Variants in WRNIP1 observed in about 807,000 individuals in gnomAD.
WRNIP1 encodes ATPase WRNIP1.
A neutral mutation model predicts 56.1 loss-of-function variants in WRNIP1; 41 were observed. The ratio of observed to expected loss-of-function variants is 0.73; its 90% confidence interval spans 0.57 to 0.95. WRNIP1 has a LOEUF of 0.95. Among genes scored for constraint, WRNIP1 ranks in the 40% least tolerant of loss-of-function variants. WRNIP1 has a pLI of 0.00. For missense variants in WRNIP1, 1,170 were observed against 939.4 expected (o/e 1.25, Z -3.21); for synonymous variants, 547 against 398.1 (o/e 1.37, Z -4.45).
intron 6 of WRNIP1, among the ~76,000 whole-genome samples, chr6:2,784,700 G>A (rs759020996): frequency 9.2e-5 from 14 of 152,048 alleles, no homozygotes; most frequent in African/African-American, 1.9e-4. Context: ...CTGCAAGTTC[G>A]CCCCCAGAGC....
At chr6:2,781,221 G>A (rs1158437828) in intron 4 of WRNIP1, among the ~76,000 whole-genome samples, 2 of 152,242 alleles carry the variant, frequency 1.3e-5, no homozygotes, top group African/African-American at 4.8e-5. Flanking sequence ...ACGTTGCAGA[G>A]CTCTGCACAG....
intron 4 of WRNIP1, among the ~76,000 whole-genome samples, chr6:2,780,137 G>A (rs1334264372): frequency 1.3e-5 from 2 of 152,228 alleles, no homozygotes; most frequent in African/African-American, 2.4e-5. Flanking sequence ...TATAAAAGAA[G>A]TGGGAGATGA....
rs1159273298 is a variant in WRNIP1 at position 2,770,313 on chromosome 6, C to A, written c.1208C>A (p.Ser403Tyr). The change falls in exon 3 of 7, where the codon TCT becomes TAT. Residue 403 changes from serine (S) to tyrosine (Y), a missense_variant. Ser to Tyr is a moderately radical substitution (Grantham distance 144). Transcript: ENST00000380773. The part of the protein sequence containing the change: ...INSLGIHVLD[S>Y]SRPTDPLSHS... ...TCCCTGGGAATCCACGTCCTAGACT[C>A]TAGCCGTCCCACTGACCCTCTGAGC... 6.2e-7 allele frequency: 1 copy of A among 1,614,176 alleles called. No homozygotes were observed.
Position 2,766,182 on chromosome 6 carries a change from G to T in WRNIP1, c.560G>T (p.Gly187Val). Residue 187 changes from glycine (G) to valine (V), a missense_variant, in exon 1 of 7, where the codon GGG becomes GTG. By Grantham distance (109) the Gly-to-Val change is moderately radical. Coordinates refer to ENST00000380773, the MANE Select transcript of WRNIP1 (RefSeq NM_020135.3). ...DADADGEDDPGHWDADAAEAA... is the reference protein window; with the variant it reads ...DADADGEDDPVHWDADAAEAA... ...GACGCGGACGGCGAGGACGACCCGGGGCACTGGGACGCGGACGCTGCCGAA... is the reference window on the plus strand; with the variant it reads ...GACGCGGACGGCGAGGACGACCCGGTGCACTGGGACGCGGACGCTGCCGAA... 1 of 1,374,812 alleles carries T rather than the reference G, an allele frequency of 7.3e-7. No individual in the cohort carries two copies. The allele number at this position is 1,374,812 out of a possible 1,614,324, so 85.2% of individuals were successfully genotyped here.
At position 2,768,670 on chromosome 6, in the gene WRNIP1, C is replaced by T. The variant is rs988880709; in HGVS notation, c.823-21C>T. ...TGTGTCTTACCAGCTTTTCAAACTC[C>T]ATGTATGTCATCTTTTCTAGACCAC... On this transcript the variant is annotated intron_variant, in intron 1 of 6. Transcript: ENST00000380773. The T allele has an allele frequency of 3.8e-6, 6 of 1,579,626 alleles. 1 individual carries two copies. Among genetic ancestry groups the T allele is most frequent in the Non-Finnish European group, 5.2e-6 (6 of 1,160,680 alleles).
At chr6:2,784,519 A>G (rs1477211839) in intron 6 of WRNIP1, 116 bp downstream of exon 6, 1 of 1,056,200 alleles carries the variant, frequency 9.5e-7, no homozygotes, top group East Asian at 2.6e-5. Context: ...CCCACTGAGT[A>G]TGCTGCTTGG....
intron 3 of WRNIP1, chr6:2,773,738 C>T: frequency 2.0e-6 from 2 of 980,000 alleles, no homozygotes; most frequent in South Asian, 9.5e-5. Context: ...ATTCCTAGGT[C>T]ATAGAATATA....
At chr6:2,783,653 T>TTTTTGGGGG in intron 5 of WRNIP1, 92 bp downstream of exon 5, 12 of 120,102 alleles carry the variant, frequency 1.0e-4, no homozygotes, top group African/African-American at 1.8e-4. Context: ...TTTTTTTTTT[T>TTTTTGGGGG]GCAGGGCGGG....
rs8333 is a variant in WRNIP1 at position 2,766,231 on chromosome 6, T to G, written c.609T>G (p.Ser203Arg). 6.8e-7 allele frequency: 1 copy of G among 1,476,716 alleles called. No individual in the cohort carries two copies. Among genetic ancestry groups the G allele is most frequent in the African/African-American group, 1.4e-5 (1 of 69,934 alleles). 91.5% of individuals were successfully genotyped at this position (1,476,716 alleles called of 1,614,324 possible). Reference protein sequence around the residue: ...AAEAATAFGASGGGRPHPRAL... With the variant: ...AAEAATAFGARGGGRPHPRAL... ...AAGCCGCCACCGCCTTCGGGGCCAG[T>G]GGCGGGGGCCGCCCGCACCCCCGGG... is the stretch of plus-strand genomic sequence containing the variant. The change falls in exon 1 of 7, where the codon AGT (serine) becomes AGG (arginine). Residue 203 changes from serine to arginine, a missense_variant. Coordinates refer to ENST00000380773, the MANE Select transcript of WRNIP1 (RefSeq NM_020135.3).
intron 4 of WRNIP1, among the ~76,000 whole-genome samples, chr6:2,781,316 C>T (rs1485584357): frequency 2.6e-5 from 4 of 152,230 alleles, no homozygotes; most frequent in East Asian, 1.9e-4. Context: ...CCTTAAGAAC[C>T]CCACATCCTA....
chr6:2,778,698 G>A (rs1408383923), intron 3 of WRNIP1, among the ~76,000 whole-genome samples: 1 of 152,156 alleles, frequency 6.6e-6, no homozygotes, highest in African/African-American at 2.4e-5. Flanking sequence ...CCTGAGACCT[G>A]CTTCTAGGAC....
Position 2,765,707 on chromosome 6 carries a change from G to A in WRNIP1, c.85G>A (p.Ala29Thr), listed in dbSNP as rs770795423. 1.3e-5 allele frequency: 20 copies of A among 1,546,018 alleles called. No individual in the cohort carries two copies. Among genetic ancestry groups the A allele is most frequent in the Middle Eastern group, 2.0e-4 (1 of 5,078 alleles). Residue 29 changes from alanine to threonine, a missense_variant, in exon 1 of 7, where the codon GCC becomes ACC. Physicochemically the swap from Ala to Thr is moderately conservative, Grantham distance 58. Coordinates refer to ENST00000380773, the MANE Select transcript of WRNIP1 (RefSeq NM_020135.3). Reference sequence around the variant, plus strand: ...CCCCGTGTGCCAGCAGATGATGCCCGCCGCGCACATCAACTCGCACCTGGA... The same window carrying A: ...CCCCGTGTGCCAGCAGATGATGCCCACCGCGCACATCAACTCGCACCTGGA... ...QCPVCQQMMP[A>T]AHINSHLDRC...
chr6:2,783,022 C>T (rs1335902634), intron 4 of WRNIP1, among the ~76,000 whole-genome samples: 6 of 152,196 alleles, frequency 3.9e-5, no homozygotes, highest in Non-Finnish European at 5.9e-5. Context: ...GCAGGCCCAC[C>T]GTTGCTTTTC....
chr6:2,778,448 G>A (rs1326535417), intron 3 of WRNIP1, among the ~76,000 whole-genome samples: 2 of 152,214 alleles, frequency 1.3e-5, no homozygotes, highest in Non-Finnish European at 2.9e-5. Flanking sequence ...TCAGCCTTCT[G>A]ATCATAGTTA....
chr6:2,782,389 G>C (rs1456861329), intron 4 of WRNIP1, among the ~76,000 whole-genome samples: 1 of 152,240 alleles, frequency 6.6e-6, no homozygotes, highest in Admixed American at 6.5e-5. Context: ...GGGTCCTGCA[G>C]GTCTTTCCCC....
chr6:2,779,236 C>T lies in WRNIP1; in HGVS notation c.1257-27C>T. 3 of 1,609,498 alleles carry T rather than the reference C, an allele frequency of 1.9e-6. No individual in the cohort carries two copies. In the South Asian group the frequency reaches 3.3e-5, roughly 18 times the overall value. Reference sequence around the variant, plus strand: ...CAAGAAGTATGCAGCCTGAGTGTGACCGTAACTAACCCTGCTTGTGTTTCA... The same window carrying T: ...CAAGAAGTATGCAGCCTGAGTGTGATCGTAACTAACCCTGCTTGTGTTTCA... On this transcript the variant is annotated intron_variant, in intron 3 of 6. Transcript: ENST00000380773.
At position 2,779,317 on chromosome 6, in the gene WRNIP1, C is replaced by T. The variant is rs142180339; in HGVS notation, c.1311C>T (p.Asp437=). ...TAGACACCCTGGCTTACCTCAGTGA[C>T]GGTGACGCCCGAGCTGGGTTGAACG... ...KAVDTLAYLS[D]GDARAGLNGL... Residue 437 remains aspartate (D), a synonymous_variant, in exon 4 of 7, where the codon GAC becomes GAT. Coordinates refer to ENST00000380773, the MANE Select transcript of WRNIP1 (RefSeq NM_020135.3). 31 of 1,614,066 alleles carry T rather than the reference C, an allele frequency of 1.9e-5. No individual in the cohort carries two copies. Among genetic ancestry groups the T allele is most frequent in the East Asian group, 6.7e-5 (3 of 44,894 alleles).
intron 3 of WRNIP1, among the ~76,000 whole-genome samples, chr6:2,772,114 G>A (rs1312613010): frequency 1.3e-5 from 2 of 152,236 alleles, no homozygotes; most frequent in South Asian, 2.1e-4. Flanking sequence ...TGAGAAAGGC[G>A]GCAGCCAAGG....
Position 2,785,298 on chromosome 6 carries a change from C to T in WRNIP1, c.*16C>T, listed in dbSNP as rs1384771079. 1.2e-6 allele frequency: 2 copies of T among 1,607,224 alleles called. No homozygotes were observed. Among genetic ancestry groups the T allele is most frequent in the Non-Finnish European group, 1.7e-6 (2 of 1,175,378 alleles). On this transcript the variant is annotated 3_prime_UTR_variant, in exon 7 of 7. Transcript: ENST00000380773. ...GAGGTGCTGACTCCTCAGGGCACGACAGCAGAAGGATGTTGCTTTTTTAAG... is the reference window on the plus strand; with the variant it reads ...GAGGTGCTGACTCCTCAGGGCACGATAGCAGAAGGATGTTGCTTTTTTAAG...
Sources: allele counts gnomAD v4.1 joint callset (sites outside exome capture counted in the v4.1 genomes callset), GRCh38; gene constraint gnomAD v4.1.1; transcripts MANE v1.5; gene names NCBI Gene and HGNC (gene_info 2026-07-23, HGNC 2026-07-21).